Variants in CCNO observed in about 807,000 individuals in gnomAD.
CCNO encodes cyclin-O.
Under a neutral mutation model 23.9 loss-of-function variants are expected in CCNO, and 24 were observed. The observed-to-expected ratio is 1.00, with a 90% CI of 0.73 to 1.41. The LOEUF (loss-of-function observed/expected upper bound fraction) is 1.41, where lower values mean the gene tolerates loss of function less well. Among genes scored for constraint, CCNO ranks in the 40% most tolerant of loss-of-function variants. CCNO has a pLI of 0.00. For synonymous variants in CCNO, 241 were observed against 225.7 expected, an observed-to-expected ratio of 1.07 and a Z score of -0.61; for missense variants, 542 against 476.2, an observed-to-expected ratio of 1.14 and a Z score of -1.29.
At position 55,231,834 on chromosome 5, in the gene CCNO, C is replaced by T. The variant is rs1258254370; in HGVS notation, c.594G>A (p.Lys198=). 1.3e-6 allele frequency: 2 copies of T among 1,546,140 alleles called. No individual in the cohort carries two copies. The stretch of plus-strand genomic sequence containing the variant: ...CGCCGCAGCAGAGGGCCAGAAGCTG[C>T]TTCACGCGCGGCGGGTGCACCTCCA... ...KQVEVHPPRV[K]QLLALCCGAF... is the part of the protein sequence containing the mutation. Residue 198 remains lysine (K), a synonymous_variant, in exon 3 of 3, where the codon AAG becomes AAA. Coordinates refer to ENST00000282572, the MANE Select transcript of CCNO (RefSeq NM_021147.5).
Position 55,231,152 on chromosome 5 carries a change from T to G in CCNO, c.*223A>C. On this transcript the variant is annotated 3_prime_UTR_variant, in exon 3 of 3. Transcript: ENST00000282572. ...TCCCCGCAGACAGACACTTGCAGGA[T>G]TTAGACAAACCACAACTGTTTATTG... 1.8e-6 allele frequency: 1 copy of G among 565,710 alleles called. No individual in the cohort carries two copies. The highest frequency in any genetic ancestry group is 3.1e-6 in the Non-Finnish European group (1 of 320,604). The allele number at this position is 565,710 out of a possible 1,614,324, so 35.0% of individuals were successfully genotyped here. A position where few individuals can be genotyped will look rare whatever the true frequency, so the allele number is the denominator to read the frequency against.
Position 55,232,695 on chromosome 5 carries a change from C to T in CCNO, c.382-149G>A, listed in dbSNP as rs894315363. On this transcript the variant is annotated intron_variant, in intron 1 of 2. Coordinates refer to ENST00000282572, the MANE Select transcript of CCNO (RefSeq NM_021147.5). The stretch of plus-strand genomic sequence containing the variant: ...GAGAAACGCAATGGAAACTGGGAAA[C>T]GCGTGGGCCGTGCTGAGCCGGAACA... 10 of 753,474 alleles carry T rather than the reference C, an allele frequency of 1.3e-5. No homozygotes were observed. The African/African-American group carries it at 1.6e-4, about 12-fold the overall frequency. 46.7% of individuals were successfully genotyped at this position (753,474 alleles called of 1,614,324 possible).
rs1745667120 is a variant in CCNO, at chr5:55,233,502, T to G, written c.22A>C (p.Ser8Arg). MVTPCPT[S>R]PSSPAARAGR... ...GCTCGGGCGGCGGGGCTCGAGGGGCTGGTGGGACAGGGGGTCACCATGATG... is the reference window on the plus strand; with the variant it reads ...GCTCGGGCGGCGGGGCTCGAGGGGCGGGTGGGACAGGGGGTCACCATGATG... Residue 8 changes from serine to arginine, a missense_variant, in exon 1 of 3, where the codon AGC becomes CGC. Physicochemically the swap from Ser to Arg is moderately radical, Grantham distance 110 (BLOSUM62 -1). Transcript: ENST00000282572. The G allele has an allele frequency of 6.3e-7, 1 of 1,594,076 alleles. No individual in the cohort carries two copies. The highest frequency in any genetic ancestry group is 8.5e-7 in the Non-Finnish European group (1 of 1,171,012).
At chr5:55,232,014 C>T (rs1389560458) in intron 2 of CCNO, among the ~76,000 whole-genome samples, 154 bp from the exon 3 acceptor site, 1 of 151,990 alleles carries the variant, frequency 6.6e-6, no homozygotes, top group African/African-American at 2.4e-5. Flanking sequence ...AGCGTACTTC[C>T]AGCGCAGTTG....
At chr5:55,232,568 G>A in intron 1 of CCNO, 22 bp from the exon 2 acceptor site, 1 of 1,612,446 alleles carries the variant, frequency 6.2e-7, no homozygotes, top group Non-Finnish European at 8.5e-7. Context: ...GAGGGGGGAG[G>A]CGGGCCCGCT....
chr5:55,231,992 TA>T (rs1302968559), intron 2 of CCNO, 132 bp from the exon 3 acceptor site: 4 of 1,036,916 alleles, frequency 3.9e-6, no homozygotes, highest in Non-Finnish European at 5.4e-6. Flanking sequence ...TGCTTCCACG[TA>T]AGTGACCTAG....
In CCNO at chr5:55,233,132, C is replaced by CAGCA; in HGVS notation, c.381+7_381+10dup. The CAGCA allele has an allele frequency of 6.5e-7, 1 of 1,539,930 alleles. No homozygotes were observed. Among genetic ancestry groups the CAGCA allele is most frequent in the Non-Finnish European group, 8.7e-7 (1 of 1,146,186 alleles). ...AGCGGCGGCGTGGAGCTGGCTCTACCAGCACCTCACTTGTGGCTGCCGTGC... is the reference window on the plus strand; with the variant it reads ...AGCGGCGGCGTGGAGCTGGCTCTACCAGCAAGCACCTCACTTGTGGCTGCCGTGC... On this transcript the variant is annotated intron_variant, in intron 1 of 2. Coordinates refer to ENST00000282572, the MANE Select transcript of CCNO (RefSeq NM_021147.5).
Position 55,233,477 on chromosome 5 carries a change from G to A in CCNO, c.47C>T (p.Ala16Val), listed in dbSNP as rs771896675. The A allele has an allele frequency of 1.3e-6, 2 of 1,598,510 alleles. No individual in the cohort carries two copies. The highest frequency in any genetic ancestry group is 1.1e-5 in the South Asian group (1 of 89,710). ...PTSPSSPAARAGRRDNDQNLR... is the reference protein window; with the variant it reads ...PTSPSSPAARVGRRDNDQNLR... The stretch of plus-strand genomic sequence containing the variant: ...GTTCTGGTCGTTGTCCCGCCTCCCC[G>A]CTCGGGCGGCGGGGCTCGAGGGGCT... Residue 16 changes from alanine to valine, a missense_variant, in exon 1 of 3, where the codon GCG becomes GTG. Physicochemically the swap from Ala to Val is moderately conservative, Grantham distance 64. Coordinates refer to ENST00000282572, the MANE Select transcript of CCNO (RefSeq NM_021147.5).
At chr5:55,231,931 C>A in intron 2 of CCNO, 71 bp from the exon 3 acceptor site, 1 of 1,451,016 alleles carries the variant, frequency 6.9e-7, no homozygotes, top group Non-Finnish European at 9.1e-7. Context: ...GTATGACGCC[C>A]GGACTTTCCC....
At chr5:55,233,106 G>T in intron 1 of CCNO, 37 bp downstream of exon 1, 1 of 1,525,906 alleles carries the variant, frequency 6.6e-7, no homozygotes, top group South Asian at 1.2e-5. Flanking sequence ...AGGAGAGGAA[G>T]AGCGGCGGCG....
chr5:55,232,701 G>GGCCGTGCTGA, intron 1 of CCNO, 155 bp from the exon 2 acceptor site: 1 of 730,538 alleles, frequency 1.4e-6, no homozygotes, highest in Non-Finnish European at 2.3e-6. Flanking sequence ...GAAACGCGTG[G>GGCCGTGCTGA]GCCGTGCTGA....
At chr5:55,233,084 A>C in intron 1 of CCNO, 59 bp downstream of exon 1, 17 of 1,500,966 alleles carry the variant, frequency 1.1e-5, no homozygotes, top group Non-Finnish European at 1.5e-5. Context: ...GCAGGAGAGG[A>C]GAGAGCCTGG....
Position 55,231,595 on chromosome 5 carries a change from T to C in CCNO, c.833A>G (p.Tyr278Cys), listed in dbSNP as rs778345446. 1.9e-5 allele frequency: 30 copies of C among 1,612,612 alleles called. No homozygotes were observed. Among genetic ancestry groups the C allele is most frequent in the African/African-American group, 2.7e-5 (2 of 74,738 alleles). Residue 278 changes from tyrosine to cysteine, a missense_variant, in exon 3 of 3, where the codon TAC becomes TGC. By Grantham distance (194) the Tyr-to-Cys change is radical (BLOSUM62 -2). Transcript: ENST00000282572. ...GCAGATCGCCAGGAGGGAAGGGGAG[T>C]AGCTGGTGAAGGCATAGTCGGCCAG... ...LSLADYAFTS[Y>C]SPSLLAICCL...
In CCNO at chr5:55,232,385, G is replaced by A. The variant is rs1745611915; in HGVS notation, c.543C>T (p.Thr181=). Residue 181 remains threonine (T), a synonymous_variant, in exon 2 of 3, where the codon ACC becomes ACT. Coordinates refer to ENST00000282572, the MANE Select transcript of CCNO (RefSeq NM_021147.5). Reference sequence around the variant, plus strand: ...CCTGTTTGCAAGCGATGAGCAAGGAGGTGACCCCAAGCAGCTGGAAGCAGT... The same window carrying A: ...CCTGTTTGCAAGCGATGAGCAAGGAAGTGACCCCAAGCAGCTGGAAGCAGT... ...AADCFQLLGV[T]SLLIACKQVE... is the part of the protein sequence containing the mutation. The A allele has an allele frequency of 6.2e-7, 1 of 1,613,796 alleles. No individual in the cohort carries two copies. The highest frequency in any genetic ancestry group is 1.3e-5 in the African/African-American group (1 of 74,916).
At chr5:55,232,764 T>C in intron 1 of CCNO, 1 of 598,682 alleles carries the variant, frequency 1.7e-6, no homozygotes, top group Non-Finnish European at 3.0e-6. Flanking sequence ...TCGTACACGT[T>C]ACCTCGCGTA....
At chr5:55,231,988 CACG>C in intron 2 of CCNO, 128 bp from the exon 3 acceptor site, 1 of 1,078,024 alleles carries the variant, frequency 9.3e-7, no homozygotes, top group Non-Finnish European at 1.3e-6. Context: ...CCACTGCTTC[CACG>C]TAAGTGACCT....
chr5:55,231,324 G>A lies in CCNO; in HGVS notation c.*51C>T. 1 of 1,598,916 alleles carries A rather than the reference G, an allele frequency of 6.3e-7. No individual in the cohort carries two copies. The highest frequency in any genetic ancestry group is 1.3e-5 in the African/African-American group (1 of 74,908). ...AGTACTGCACTCTTCTGAGGCTACGGGAGAGGTCCAGCAGCCGGGCCAGGG... is the reference window on the plus strand; with the variant it reads ...AGTACTGCACTCTTCTGAGGCTACGAGAGAGGTCCAGCAGCCGGGCCAGGG... On this transcript the variant is annotated 3_prime_UTR_variant, in exon 3 of 3. Coordinates refer to ENST00000282572, the MANE Select transcript of CCNO (RefSeq NM_021147.5).
chr5:55,232,821 TGAA>T, intron 1 of CCNO: 1 of 588,732 alleles, frequency 1.7e-6, no homozygotes, highest in Non-Finnish European at 3.0e-6. Flanking sequence ...ATTTTGCAGA[TGAA>T]GAAAGAAGCT....
rs958502668 is a variant in CCNO at position 55,232,431 on chromosome 5, G to A, written c.497C>T (p.Thr166Ile). 1 of 1,613,932 alleles carries A rather than the reference G, an allele frequency of 6.2e-7. No individual in the cohort carries two copies. Among genetic ancestry groups the A allele is most frequent in the Non-Finnish European group, 8.5e-7 (1 of 1,180,040 alleles). Residue 166 changes from threonine (T) to isoleucine (I), a missense_variant, in exon 2 of 3, where the codon ACC (threonine) becomes ATC (isoleucine). Coordinates refer to ENST00000282572, the MANE Select transcript of CCNO (RefSeq NM_021147.5). ...GCAGTCTGCAGCCACCGGCGTGGTG[G>A]TGAGGAAGCGGTCCAGAGTGTTCAC... ...LTVNTLDRFL[T>I]TTPVAADCFQ...
Sources: allele counts gnomAD v4.1 joint callset (sites outside exome capture counted in the v4.1 genomes callset), GRCh38; gene constraint gnomAD v4.1.1; transcripts MANE v1.5; gene names NCBI Gene and HGNC (gene_info 2026-07-23, HGNC 2026-07-21).